The following RYR1 variants were observed in gnomAD, a reference collection of about 807,000 sequenced individuals.
RYR1 encodes the protein central core disease of muscle.
Under a neutral mutation model 583.5 loss-of-function variants are expected in RYR1, and 342 were observed. That is an observed-to-expected ratio of 0.59 (90% confidence interval 0.54 to 0.64). RYR1 has a LOEUF of 0.64. RYR1 is among the 30% of genes least tolerant of loss of function. The pLI is 0.00. For missense variants in RYR1, 6,032 were observed against 6,917.2 expected, an observed-to-expected ratio of 0.87 and a Z score of 4.54; for synonymous variants, 2,791 against 2,822.5, an observed-to-expected ratio of 0.99 and a Z score of 0.35.
At chr19:38,463,349 T>C in intron 20 of RYR1, 74 bp from the exon 21 acceptor site, 1 of 1,303,062 alleles carries the variant, frequency 7.7e-7, no homozygotes, top group Non-Finnish European at 1.1e-6. Flanking sequence ...CTCACAGGTG[T>C]TCTTGGAAAG....
chr19:38,475,301 T>G lies in RYR1; in HGVS notation c.4161-17T>G, dbSNP rs1968661931. The G allele has an allele frequency of 2.6e-6, 4 of 1,564,234 alleles. No homozygotes were observed. In the East Asian group the frequency reaches 9.5e-5, roughly 37 times the overall value. On this transcript the variant is annotated splice_polypyrimidine_tract_variant and intron_variant, in intron 28 of 105. Coordinates refer to ENST00000359596, the MANE Select transcript of RYR1 (RefSeq NM_000540.3). ...CTTGAAAGCTGGCTCTCATGGCGCCTCTCCTCCCACTACCAGCTTCTTATT... is the reference window on the plus strand; with the variant it reads ...CTTGAAAGCTGGCTCTCATGGCGCCGCTCCTCCCACTACCAGCTTCTTATT...
Position 38,561,872 on chromosome 19 carries a change from C to T in RYR1, c.12624+418C>T, listed in dbSNP as rs3786831. ...TGCTCACCTTCCCAGTAGCCCCCGG[C>T]GTGCCGTCTCTTGGTCCTGGCCCGC... is the stretch of plus-strand genomic sequence containing the variant. On this transcript the variant is annotated intron_variant, in intron 90 of 105. Coordinates refer to ENST00000359596, the MANE Select transcript of RYR1 (RefSeq NM_000540.3). This position sits in a 1 kb window ranked among gnomAD's most constrained non-coding sequence, Gnocchi z 4.8. Among the ~76,000 whole-genome samples, 188 of 152,250 alleles carry T rather than the reference C, an allele frequency of 1.2e-3. 1 individual carries two copies. Among genetic ancestry groups the T allele is most frequent in the East Asian group, 9.9e-3 (51 of 5,164 alleles).
intron 58 of RYR1, among the ~76,000 whole-genome samples, chr19:38,508,339 A>G (rs893261888): frequency 6.6e-6 from 1 of 151,974 alleles, no homozygotes; most frequent in Non-Finnish European, 1.5e-5. Flanking sequence ...CCTCCTGAGT[A>G]GCTGGGACCA....
chr19:38,492,358 C>T (rs1969586518), intron 37 of RYR1, 132 bp from the exon 38 acceptor site: 1 of 866,072 alleles, frequency 1.2e-6, no homozygotes, highest in East Asian at 2.8e-5. Flanking sequence ...AAGACACTGT[C>T]TCAAAAAAAA....
chr19:38,451,114 G>C (rs1967052842), intron 11 of RYR1, among the ~76,000 whole-genome samples: 1 of 152,250 alleles, frequency 6.6e-6, no homozygotes, highest in East Asian at 1.9e-4. Context: ...ACTTACTACA[G>C]CCTTGCTGAA....
At chr19:38,502,791 G>A (rs1395820747) in intron 48 of RYR1, 64 bp downstream of exon 48, 39 of 831,836 alleles carry the variant, frequency 4.7e-5, no homozygotes, top group Non-Finnish European at 1.7e-5. Flanking sequence ...AGGGGCAGGG[G>A]CAGGGGCAGG....
chr19:38,552,151 C>T (rs542828412), intron 89 of RYR1, among the ~76,000 whole-genome samples: 2 of 151,862 alleles, frequency 1.3e-5, no homozygotes, highest in East Asian at 3.9e-4. Flanking sequence ...CGGGGTTTGA[C>T]ATGTTGCCCT....
At chr19:38,584,230 C>CACTA (rs1974344537) in intron 101 of RYR1, among the ~76,000 whole-genome samples, 1 of 150,556 alleles carries the variant, frequency 6.6e-6, no homozygotes, top group Non-Finnish European at 1.5e-5. Flanking sequence ...GCCTGTGCCC[C>CACTA]TCCCATCCTC....
chr19:38,528,777 G>T (rs887239900), intron 75 of RYR1, 82 bp downstream of exon 75: 3 of 1,495,804 alleles, frequency 2.0e-6, no homozygotes, highest in African/African-American at 2.8e-5. Flanking sequence ...ACCTCCAGGG[G>T]TCGGCCCTCC....
rs1171458593 is a variant in RYR1 at position 38,561,863 on chromosome 19, A to G, written c.12624+409A>G. 2.0e-5 allele frequency among the ~76,000 whole-genome samples: 3 copies of G among 152,058 alleles called. No homozygotes were observed. Among genetic ancestry groups the G allele is most frequent in the Non-Finnish European group, 2.9e-5 (2 of 68,002 alleles). On this transcript the variant is annotated intron_variant, in intron 90 of 105. Transcript: ENST00000359596. The surrounding 1 kb of genome is among the most constrained non-coding windows in gnomAD (Gnocchi z 4.8). Reference sequence around the variant, plus strand: ...CACACCCCTTGCTCACCTTCCCAGTAGCCCCCGGCGTGCCGTCTCTTGGTC... The same window carrying G: ...CACACCCCTTGCTCACCTTCCCAGTGGCCCCCGGCGTGCCGTCTCTTGGTC...
At chr19:38,579,073 T>C (rs1444660551) in intron 99 of RYR1, among the ~76,000 whole-genome samples, 4 of 150,968 alleles carry the variant, frequency 2.6e-5, no homozygotes, top group African/African-American at 9.8e-5. Context: ...GTGAGCTGCA[T>C]GTGCACCACT....
chr19:38,583,157 T>TG (rs1349381944), intron 101 of RYR1, among the ~76,000 whole-genome samples: 2 of 151,772 alleles, frequency 1.3e-5, no homozygotes, highest in Non-Finnish European at 2.9e-5. Context: ...ATTAGTGGGA[T>TG]GTGGTGGTGG....
In RYR1 at chr19:38,528,644, G is replaced by A; in HGVS notation, c.10983G>A (p.Trp3661Ter). 6.2e-7 allele frequency: 1 copy of A among 1,614,160 alleles called. No homozygotes were observed. The highest frequency in any genetic ancestry group is 8.5e-7 in the Non-Finnish European group (1 of 1,180,024). ...TCCTGGAGAGCTACAAGGCTGCATG[G>A]ATCCTGACTGAAGACCACAGTTTTG... ...NMFLESYKAA[W>*]ILTEDHSFED... The change falls in exon 75 of 106, where the codon TGG becomes TGA. Residue 3661 changes from tryptophan to a stop codon, truncating the protein, a stop_gained. Coordinates refer to ENST00000359596, the MANE Select transcript of RYR1 (RefSeq NM_000540.3). LOFTEE classifies it high-confidence loss of function.
intron 67 of RYR1, 123 bp from the exon 68 acceptor site, chr19:38,522,905 G>A (rs1971283265): frequency 4.9e-6 from 4 of 816,412 alleles, no homozygotes; most frequent in Non-Finnish European, 8.0e-6. Context: ...GATGACCCTA[G>A]AAACCCCATC....
In RYR1 at chr19:38,451,821, C is replaced by T; in HGVS notation, c.1180C>T (p.Gln394Ter). The stretch of plus-strand genomic sequence containing the variant: ...CGCACTGTCGCTGACCCGCTGCCAG[C>T]AGGAGGAGTCCCAGGCCGCCCGCAT... ...DDALSLTRCQ[Q>*]EESQAARMIH... The change falls in exon 12 of 106, where the codon CAG becomes TAG. Residue 394 changes from glutamine (Q) to a stop codon, truncating the protein, a stop_gained. Transcript: ENST00000359596. LOFTEE classifies it high-confidence loss of function. 6.2e-7 allele frequency: 1 copy of T among 1,614,150 alleles called. No homozygotes were observed. Among genetic ancestry groups the T allele is most frequent in the East Asian group, 2.2e-5 (1 of 44,878 alleles).
rs536304635 is a variant in RYR1, at chr19:38,527,014, C to G, written c.10648C>G (p.Arg3550Gly). ...CCAGAAAGACACAGATGAGGAGGTCCGGGAATTTCTGCACAACAACCTTCA... is the reference window on the plus strand; with the variant it reads ...CCAGAAAGACACAGATGAGGAGGTCGGGGAATTTCTGCACAACAACCTTCA... ...YALKDTDEEV[R>G]EFLHNNLHLQ... Residue 3550 changes from arginine to glycine, a missense_variant, in exon 72 of 106, where the codon CGG becomes GGG. Physicochemically the swap from Arg to Gly is moderately radical, Grantham distance 125. Coordinates refer to ENST00000359596, the MANE Select transcript of RYR1 (RefSeq NM_000540.3). 11 of 1,613,912 alleles carry G rather than the reference C, an allele frequency of 6.8e-6. No homozygotes were observed. The highest frequency in any genetic ancestry group is 9.3e-6 in the Non-Finnish European group (11 of 1,179,890).
At chr19:38,551,050 TTTTTTTTTTTTTTTG>T (rs1972646363) in intron 89 of RYR1, among the ~76,000 whole-genome samples, 2 of 88,994 alleles carry the variant, frequency 2.2e-5, no homozygotes, top group Admixed American at 1.2e-4. Flanking sequence ...TTTTTTTTTT[TTTTTTTTTTTTTTTG>T]AGACGGAGTT....
rs555074926 is a variant in RYR1, at chr19:38,445,940, T to C, written c.632-532T>C. On this transcript the variant is annotated intron_variant, in intron 7 of 105. Transcript: ENST00000359596. Reference sequence around the variant, plus strand: ...AGGCAGAGGTTGCAGTGAGCCAAGATTGCACCACTGCACTGCAGCCTGGGC... The same window carrying C: ...AGGCAGAGGTTGCAGTGAGCCAAGACTGCACCACTGCACTGCAGCCTGGGC... 5.3e-5 allele frequency among the ~76,000 whole-genome samples: 8 copies of C among 152,120 alleles called. No homozygotes were observed. In the South Asian group the frequency reaches 1.5e-3, roughly 28 times the overall value.
At position 38,499,679 on chromosome 19, in the gene RYR1, A is replaced by C. The variant is rs759306349; in HGVS notation, c.7072A>C (p.Ile2358Leu). The stretch of plus-strand genomic sequence containing the variant: ...CGCCAATGTGGTGGTGCGGCTGCTC[A>C]TCCGGAAGCCTGAGTGCTTCGGACC... Reference protein sequence around the residue: ...ENANVVVRLLIRKPECFGPAL... With the variant: ...ENANVVVRLLLRKPECFGPAL... Residue 2358 changes from isoleucine (I) to leucine (L), a missense_variant, in exon 44 of 106, where the codon ATC (isoleucine) becomes CTC (leucine). Physicochemically the swap from Ile to Leu is conservative, Grantham distance 5. This residue lies in a region of RYR1 where 2,627 missense variants were observed against 2,961.3 expected (regional missense o/e 0.89). Coordinates refer to ENST00000359596, the MANE Select transcript of RYR1 (RefSeq NM_000540.3). The surrounding 1 kb of genome is among the most constrained non-coding windows in gnomAD (Gnocchi z 7.3). 22 of 1,599,934 alleles carry C rather than the reference A, an allele frequency of 1.4e-5. No homozygotes were observed. Among genetic ancestry groups the C allele is most frequent in the Non-Finnish European group, 1.9e-5 (22 of 1,179,860 alleles).
Sources: gnomAD v4.1 joint callset for allele counts (sites outside exome capture counted in the v4.1 genomes callset) on GRCh38, gnomAD v4.1.1 for gene constraint, gnomAD v4.1.1 regional missense constraint, Gnocchi (gnomAD v3.1) non-coding constraint, MANE v1.5 for transcripts, NCBI Gene and HGNC (gene_info 2026-07-23, HGNC 2026-07-21) for gene names.